The following CDK14 variants were observed in gnomAD, a reference collection of about 807,000 sequenced individuals.
CDK14 encodes cyclin dependent kinase 14.
A neutral mutation model predicts 60.7 loss-of-function variants in CDK14; 34 were observed. The observed-to-expected ratio is 0.56, with a 90% CI of 0.43 to 0.75. The LOEUF (loss-of-function observed/expected upper bound fraction) is 0.75, where lower values mean the gene tolerates loss of function less well. CDK14 is among the 30% of genes least tolerant of loss of function. The probability of loss-of-function intolerance (pLI) is 0.00; values close to 1 mark genes in which losing one functional copy is unlikely to be tolerated. For missense variants in CDK14, 482 were observed against 564.1 expected, an observed-to-expected ratio of 0.85 and a Z score of 1.47; for synonymous variants, 197 against 203.7, an observed-to-expected ratio of 0.97 and a Z score of 0.28.
At chr7:90,833,472 A>G (rs1217013996) in intron 5 of CDK14, among the ~76,000 whole-genome samples, 1 of 152,192 alleles carries the variant, frequency 6.6e-6, no homozygotes, top group Admixed American at 6.5e-5. Flanking sequence ...GGCACAAGAA[A>G]AGTTATAAGG....
At chr7:90,852,701 C>A (rs1790688765) in intron 5 of CDK14, among the ~76,000 whole-genome samples, 1 of 152,144 alleles carries the variant, frequency 6.6e-6, no homozygotes, top group Admixed American at 6.6e-5. Context: ...AGGACAGGTA[C>A]AAGTGATAGA....
intron 10 of CDK14, among the ~76,000 whole-genome samples, chr7:91,008,828 TC>T (rs1796069183): frequency 6.6e-6 from 1 of 152,208 alleles, no homozygotes; most frequent in Admixed American, 6.5e-5. Flanking sequence ...TTTATGTCAT[TC>T]TTTTTAAAAA....
chr7:90,849,649 C>CT (rs1790582579), intron 5 of CDK14, among the ~76,000 whole-genome samples: 1 of 151,924 alleles, frequency 6.6e-6, no homozygotes, highest in Admixed American at 6.6e-5. Flanking sequence ...AGCCACATAA[C>CT]TTTTACCACA....
intron 14 of CDK14, among the ~76,000 whole-genome samples, chr7:91,126,832 C>CT (rs1177977862): frequency 2.0e-5 from 3 of 151,822 alleles, no homozygotes; most frequent in East Asian, 1.9e-4. Flanking sequence ...ACTCGCTTTT[C>CT]TTTTTTTTAT....
chr7:90,989,858 T>C (rs1323736099), intron 10 of CDK14, among the ~76,000 whole-genome samples: 2 of 152,178 alleles, frequency 1.3e-5, no homozygotes, highest in Non-Finnish European at 2.9e-5. Flanking sequence ...TTTTAAATGC[T>C]TGATGTTACT....
chr7:91,056,329 C>T (rs977745120), intron 11 of CDK14, among the ~76,000 whole-genome samples: 1 of 150,994 alleles, frequency 6.6e-6, no homozygotes, highest in Non-Finnish European at 1.5e-5. Flanking sequence ...TCTTAGGTGC[C>T]TGGAAATATT....
intron 5 of CDK14, among the ~76,000 whole-genome samples, chr7:90,813,147 T>G (rs762806972): frequency 2.4e-4 from 36 of 152,220 alleles, no homozygotes; most frequent in Non-Finnish European, 4.6e-4. Context: ...CTTGGTTGTA[T>G]ATACCAAGCG....
intron 6 of CDK14, among the ~76,000 whole-genome samples, chr7:90,887,301 TTATA>T (rs1438735126): frequency 2.0e-5 from 3 of 152,204 alleles, no homozygotes; most frequent in Non-Finnish European, 4.4e-5. Flanking sequence ...CTTTGCCTCT[TTATA>T]TACACTATAT....
intron 14 of CDK14, among the ~76,000 whole-genome samples, chr7:91,125,915 A>C (rs902127485): frequency 6.6e-6 from 1 of 152,194 alleles, no homozygotes; most frequent in Non-Finnish European, 1.5e-5. Flanking sequence ...CCTCAATTAC[A>C]TATAATAATT....
At chr7:90,830,600 T>G (rs1789884207) in intron 5 of CDK14, among the ~76,000 whole-genome samples, 1 of 152,220 alleles carries the variant, frequency 6.6e-6, no homozygotes, top group Non-Finnish European at 1.5e-5. Context: ...GCAGCTGGCT[T>G]GAATATCTCC....
chr7:91,136,857 T>C (rs1290253311), intron 14 of CDK14, among the ~76,000 whole-genome samples: 1 of 152,174 alleles, frequency 6.6e-6, no homozygotes, highest in Non-Finnish European at 1.5e-5. Flanking sequence ...CAAGAAAATG[T>C]CCATCTGGAT....
chr7:90,918,941 A>G (rs566191318), intron 8 of CDK14, among the ~76,000 whole-genome samples: 1 of 152,336 alleles, frequency 6.6e-6, no homozygotes, highest in South Asian at 2.1e-4. Context: ...TCCTACTTTG[A>G]TAAAAATGAT....
intron 14 of CDK14, among the ~76,000 whole-genome samples, chr7:91,206,345 T>G (rs1802897602): frequency 6.6e-6 from 1 of 152,274 alleles, no homozygotes; most frequent in Non-Finnish European, 1.5e-5. Context: ...CACCAGGCCT[T>G]AGTGACCAGC....
At chr7:90,909,662 C>T (rs1294942601) in intron 7 of CDK14, among the ~76,000 whole-genome samples, 1 of 152,022 alleles carries the variant, frequency 6.6e-6, no homozygotes, top group East Asian at 1.9e-4. Flanking sequence ...TCCACCATTG[C>T]CTTGAAGTAG....
chr7:90,694,350 C>G (rs1419324565), intron 2 of CDK14, among the ~76,000 whole-genome samples: 1 of 152,130 alleles, frequency 6.6e-6, no homozygotes, highest in Non-Finnish European at 1.5e-5. Context: ...ACCCATTTAA[C>G]TTGAATTGAA....
At chr7:90,932,469 C>T (rs1162326346) in intron 8 of CDK14, among the ~76,000 whole-genome samples, 1 of 152,126 alleles carries the variant, frequency 6.6e-6, no homozygotes, top group Non-Finnish European at 1.5e-5. Context: ...CTCCCATCTC[C>T]CCCCAGCCAG....
At chr7:91,124,236 A>G (rs1344262669) in intron 14 of CDK14, among the ~76,000 whole-genome samples, 1 of 152,116 alleles carries the variant, frequency 6.6e-6, no homozygotes, top group East Asian at 1.9e-4. Context: ...TACAGAAAAG[A>G]TGCAAGAATA....
chr7:90,747,548 A>G (rs1487888858), intron 3 of CDK14, 133 bp from the exon 4 acceptor site: 2 of 594,168 alleles, frequency 3.4e-6, no homozygotes, highest in East Asian at 6.6e-5. Context: ...GTTTTGAAAA[A>G]TAAACATGTA....
At chr7:90,805,779 A>G (rs1788803188) in intron 5 of CDK14, among the ~76,000 whole-genome samples, 1 of 152,132 alleles carries the variant, frequency 6.6e-6, no homozygotes, top group Admixed American at 6.5e-5. Flanking sequence ...TGGCCATCTG[A>G]GCTACAATTA....
Sources: gnomAD v4.1 joint callset for allele counts (sites outside exome capture counted in the v4.1 genomes callset) on GRCh38, gnomAD v4.1.1 for gene constraint, MANE v1.5 for transcripts, NCBI Gene and HGNC (gene_info 2026-07-23, HGNC 2026-07-21) for gene names.